Variants in RABL2A observed in about 807,000 individuals in gnomAD.
RABL2A encodes the protein RAB, member of RAS oncogene family like 2A.
Under a neutral mutation model 30.7 loss-of-function variants are expected in RABL2A, and 17 were observed. The ratio of observed to expected loss-of-function variants is 0.55; its 90% confidence interval spans 0.38 to 0.83. RABL2A has a LOEUF of 0.83. Ranked by LOEUF, RABL2A falls within the 40% of genes least tolerant of loss-of-function variation. The pLI is 0.00. For synonymous variants in RABL2A, 64 were observed against 101.8 expected, an observed-to-expected ratio of 0.63 and a Z score of 2.24; for missense variants, 155 against 272.6, an observed-to-expected ratio of 0.57 and a Z score of 3.04.
In RABL2A at chr2:113,641,404, T is replaced by C. The variant is rs1271641432; in HGVS notation, c.461T>C (p.Leu154Pro). The part of the protein sequence containing the change: ...KSFNFAKKFS[L>P]PLYFVSAADG... ...TTCAATTTTGCCAAGAAGTTCTCCCTGCCCCTGTATTTCGTCTCGGCTGCT... is the reference window on the plus strand; with the variant it reads ...TTCAATTTTGCCAAGAAGTTCTCCCCGCCCCTGTATTTCGTCTCGGCTGCT... The change falls in exon 7 of 9, where the codon CTG becomes CCG. Residue 154 changes from leucine to proline, a missense_variant. Physicochemically the swap from Leu to Pro is moderately conservative, Grantham distance 98 (BLOSUM62 -3). This residue lies in a region of RABL2A where 33 missense variants were observed against 30.7 expected (regional missense o/e 1.08). Transcript: ENST00000683472. 1.2e-6 allele frequency: 2 copies of C among 1,612,098 alleles called. No homozygotes were observed.
chr2:113,642,737 T>C lies in RABL2A; in HGVS notation c.*608T>C, dbSNP rs372801624. On this transcript the variant is annotated 3_prime_UTR_variant, in exon 9 of 9. Coordinates refer to ENST00000683472, the MANE Select transcript of RABL2A (RefSeq NM_001306158.2). ...CTCGCTGCAACCTCTGACTCCCTGG[T>C]TCAAACGATTCTCCTGCCTCAGCCT... 3.6e-5 allele frequency: 7 copies of C among 193,374 alleles called. No homozygotes were observed. In the East Asian group the frequency reaches 7.0e-4, roughly 19 times the overall value. The allele number at this position is 193,374 out of a possible 1,614,324, so 12.0% of individuals were successfully genotyped here.
chr2:113,628,209 G>C (rs569962829), intron 1 of RABL2A: 1 of 262,800 alleles, frequency 3.8e-6, no homozygotes, highest in African/African-American at 2.7e-5. Context: ...CTGGACTGTG[G>C]TTACATTCTC....
chr2:113,636,675 A>G (rs1682856264), intron 5 of RABL2A, among the ~76,000 whole-genome samples: 1 of 152,198 alleles, frequency 6.6e-6, no homozygotes, highest in Non-Finnish European at 1.5e-5. Flanking sequence ...GGTTGCCACC[A>G]TTGTTGGCAT....
intron 2 of RABL2A, among the ~76,000 whole-genome samples, chr2:113,630,077 T>C (rs1487999078): frequency 1.3e-5 from 2 of 152,210 alleles, no homozygotes; most frequent in Non-Finnish European, 2.9e-5. Context: ...CCAAGTTCAA[T>C]GCTAGTCTCT....
intron 2 of RABL2A, among the ~76,000 whole-genome samples, chr2:113,632,243 A>C (rs1680658504): frequency 6.6e-6 from 1 of 152,232 alleles, no homozygotes; most frequent in African/African-American, 2.4e-5. Flanking sequence ...GCTAGAACAG[A>C]GGGAGAGAAA....
rs534717735 is a variant in RABL2A, at chr2:113,641,163, A to G, written c.409+158A>G. ...TGGTTGCTTGCATTCTTCCCACCTT[A>G]TAAAGAAGCCAGCTAAGCCGACCTG... On this transcript the variant is annotated intron_variant, in intron 6 of 8. Transcript: ENST00000683472. 9.1e-5 allele frequency: 80 copies of G among 879,356 alleles called. No homozygotes were observed. In the East Asian group the frequency reaches 1.5e-3, roughly 17 times the overall value. The allele number at this position is 879,356 out of a possible 1,614,324, so 54.5% of individuals were successfully genotyped here.
At chr2:113,641,261 T>C in intron 6 of RABL2A, 92 bp from the exon 7 acceptor site, 1 of 1,585,922 alleles carries the variant, frequency 6.3e-7, no homozygotes. Context: ...TCCCTGCCTA[T>C]CCCACTTTCT....
In RABL2A at chr2:113,642,335, C is replaced by G. The variant is rs1041436023; in HGVS notation, c.*206C>G. On this transcript the variant is annotated 3_prime_UTR_variant, in exon 9 of 9. Coordinates refer to ENST00000683472, the MANE Select transcript of RABL2A (RefSeq NM_001306158.2). ...TCTGGACTGGTGGAAGAATTCCCCA[C>G]CAGATCTCCTTGAAGCAGAATTAGG... 8.4e-7 allele frequency: 1 copy of G among 1,186,296 alleles called. No individual in the cohort carries two copies. The highest frequency in any genetic ancestry group is 1.2e-6 in the Non-Finnish European group (1 of 862,924). The allele number at this position is 1,186,296 out of a possible 1,614,324, so 73.5% of individuals were successfully genotyped here.
At chr2:113,630,197 G>T (rs1679801695) in intron 2 of RABL2A, among the ~76,000 whole-genome samples, 5 of 152,174 alleles carry the variant, frequency 3.3e-5, no homozygotes, top group Admixed American at 3.3e-4. Flanking sequence ...TAGAAAACAA[G>T]CCAGTCTTCA....
At chr2:113,630,930 C>T (rs1040680118) in intron 2 of RABL2A, among the ~76,000 whole-genome samples, 4 of 152,036 alleles carry the variant, frequency 2.6e-5, no homozygotes, top group African/African-American at 9.7e-5. Flanking sequence ...CAGAGTCTTG[C>T]TCTGTCACCC....
chr2:113,637,472 G>A, intron 5 of RABL2A: 1 of 1,124,616 alleles, frequency 8.9e-7, no homozygotes, highest in Non-Finnish European at 1.1e-6. Flanking sequence ...GCTGCCCCCA[G>A]GAACTGACTG....
chr2:113,631,302 G>A (rs1680236617), intron 2 of RABL2A, among the ~76,000 whole-genome samples: 1 of 152,038 alleles, frequency 6.6e-6, no homozygotes, highest in South Asian at 2.1e-4. Context: ...TTCCATTACC[G>A]TTAATGATTG....
chr2:113,635,140 G>C lies in RABL2A; in HGVS notation c.297+10G>C. On this transcript the variant is annotated intron_variant, in intron 5 of 8. Transcript: ENST00000683472. ...CCATGCCTGCATCATGGTACGAGAC[G>C]GTGGGGAGGTGGACAAAGGCACTGG... is the stretch of plus-strand genomic sequence containing the variant. 2 of 1,614,010 alleles carry C rather than the reference G, an allele frequency of 1.2e-6. No homozygotes were observed. Among genetic ancestry groups the C allele is most frequent in the Non-Finnish European group, 8.5e-7 (1 of 1,179,940 alleles).
intron 2 of RABL2A, 49 bp downstream of exon 2, chr2:113,628,762 G>A (rs746095432): frequency 3.5e-4 from 373 of 1,069,356 alleles, no homozygotes; most frequent in Non-Finnish European, 4.7e-4. Context: ...GAGGGTCCAG[G>A]TCATTTAAAA....
intron 5 of RABL2A, among the ~76,000 whole-genome samples, chr2:113,636,881 C>T (rs1437077896): frequency 2.6e-5 from 4 of 151,618 alleles, no homozygotes; most frequent in African/African-American, 4.9e-5. Context: ...CCCAGCTACT[C>T]GGGAGGCTGA....
At chr2:113,637,332 T>G (rs1683285310) in intron 5 of RABL2A, 1 of 999,390 alleles carries the variant, frequency 1.0e-6, no homozygotes. Context: ...CCGTGCAGCC[T>G]CCTCTGATGT....
chr2:113,633,090 C>A (rs1681072946), intron 3 of RABL2A, 146 bp downstream of exon 3: 6 of 1,291,302 alleles, frequency 4.6e-6, no homozygotes, highest in Non-Finnish European at 6.7e-6. Context: ...TTGTTCTGCA[C>A]TTGTTTCTTG....
intron 5 of RABL2A, among the ~76,000 whole-genome samples, chr2:113,636,345 A>C (rs1187250344): frequency 6.6e-6 from 1 of 151,320 alleles, no homozygotes; most frequent in Non-Finnish European, 1.5e-5. Context: ...AGAAGACTCC[A>C]AGGCTGGGTT....
At chr2:113,632,844 T>G in intron 2 of RABL2A, 71 bp from the exon 3 acceptor site, 1 of 1,613,334 alleles carries the variant, frequency 6.2e-7, no homozygotes, top group Non-Finnish European at 8.5e-7. Flanking sequence ...TTGTCAGCCT[T>G]AGGGTGAAAA....
Sources: gnomAD v4.1 joint callset for allele counts (sites outside exome capture counted in the v4.1 genomes callset) on GRCh38, gnomAD v4.1.1 for gene constraint, gnomAD v4.1.1 regional missense constraint, MANE v1.5 for transcripts, NCBI Gene and HGNC (gene_info 2026-07-23, HGNC 2026-07-21) for gene names.